ZNF467: variants seen among roughly 807,000 people sequenced by gnomAD.
The protein encoded by ZNF467 is zinc finger protein 467, also known as zinc finger protein EZI.
A neutral mutation model predicts 47.8 loss-of-function variants in ZNF467; 51 were observed. The ratio of observed to expected loss-of-function variants is 1.07; its 90% confidence interval spans 0.85 to 1.35. ZNF467 has a LOEUF of 1.35. ZNF467 is among the 40% of genes most tolerant of loss of function. ZNF467 has a pLI of 0.00. For missense variants in ZNF467, 992 were observed against 858.1 expected (o/e 1.16, Z -1.95); for synonymous variants, 416 against 372.9 (o/e 1.12, Z -1.33).
At chr7:149,770,390 G>A (rs1799360015) in intron 3 of ZNF467, 50 bp downstream of exon 3, 9 of 1,383,510 alleles carry the variant, frequency 6.5e-6, no homozygotes, top group Non-Finnish European at 9.1e-6. Context: ...AGGGCAGGAG[G>A]AAAGCAGGGG....
chr7:149,775,034 A>G (rs766169201), upstream of ZNF467, among the ~76,000 whole-genome samples: 30 of 152,290 alleles, frequency 2.0e-4, no homozygotes, highest in Non-Finnish European at 3.2e-4. Context: ...TGCTGGGACC[A>G]GGGTGGACCC....
chr7:149,771,901 G>A lies in ZNF467; in HGVS notation c.-42-827C>T, dbSNP rs1263573524. Among the ~76,000 whole-genome samples the A allele has an allele frequency of 2.8e-5, 3 of 108,182 alleles. No individual in the cohort carries two copies. In the Admixed American group the frequency reaches 3.5e-4, roughly 13 times the overall value. 71.0% of individuals were successfully genotyped at this position (108,182 alleles called of 152,430 possible). On this transcript the variant is annotated intron_variant, in intron 1 of 4. Coordinates refer to ENST00000302017, the MANE Select transcript of ZNF467 (RefSeq NM_207336.3). The stretch of plus-strand genomic sequence containing the variant: ...GGGCCAACCCCTCGAGGCCCCGTCC[G>A]GGTCGGCCCTCCGCTGCCACCGCCT...
In ZNF467 at chr7:149,764,767, C is replaced by T. The variant is rs1799099794; in HGVS notation, c.1735G>A (p.Ala579Thr). 2 of 1,526,754 alleles carry T rather than the reference C, an allele frequency of 1.3e-6. No individual in the cohort carries two copies. Among genetic ancestry groups the T allele is most frequent in the South Asian group, 1.3e-5 (1 of 77,708 alleles). 94.6% of individuals were successfully genotyped at this position (1,526,754 alleles called of 1,614,324 possible). Residue 579 changes from alanine (A) to threonine (T), a missense_variant, in exon 5 of 5, where the codon GCC (alanine) becomes ACC (threonine). By Grantham distance (58) the Ala-to-Thr change is moderately conservative. Coordinates refer to ENST00000302017, the MANE Select transcript of ZNF467 (RefSeq NM_207336.3). ...TCGGGGGGAGCGGACCAGGCTGGGGCCGCAAGGGCGGCGTCCGGGGCCGCG... is the reference window on the plus strand; with the variant it reads ...TCGGGGGGAGCGGACCAGGCTGGGGTCGCAAGGGCGGCGTCCGGGGCCGCG... ...AHAAPDAALA[A>T]PAWSAPPEVA...
At chr7:149,768,918 T>A (rs1277975353) in intron 4 of ZNF467, among the ~76,000 whole-genome samples, 172 bp downstream of exon 4, 1 of 152,250 alleles carries the variant, frequency 6.6e-6, no homozygotes, top group East Asian at 1.9e-4. Context: ...CCTTTCGGCA[T>A]TGAAGCTCCA....
chr7:149,770,682 G>T (rs1264445400), intron 2 of ZNF467, 126 bp from the exon 3 acceptor site: 4 of 791,152 alleles, frequency 5.1e-6, no homozygotes, highest in Admixed American at 2.5e-5. Context: ...GAAGGACAGG[G>T]TCTCTCACCA....
chr7:149,776,422 G>T (rs1563084754), upstream of ZNF467: 3 of 1,357,594 alleles, frequency 2.2e-6, no homozygotes, highest in East Asian at 4.6e-5. Context: ...GGTACCCTGT[G>T]CCAGCCTCGA....
chr7:149,770,739 A>G (rs1342143259), intron 2 of ZNF467, among the ~76,000 whole-genome samples, 183 bp from the exon 3 acceptor site: 2 of 152,194 alleles, frequency 1.3e-5, no homozygotes, highest in African/African-American at 4.8e-5. Context: ...AGTTGAGTCA[A>G]AAAGGACAGA....
At chr7:149,767,184 C>T (rs1446902542) in intron 4 of ZNF467, among the ~76,000 whole-genome samples, 1 of 152,206 alleles carries the variant, frequency 6.6e-6, no homozygotes, top group African/African-American at 2.4e-5. Flanking sequence ...TTTCTTAGTC[C>T]GCTAAGAAAA....
chr7:149,764,955 G>A lies in ZNF467; in HGVS notation c.1547C>T (p.Ala516Val). ...QAVHTGSRPH[A>V]CAVCARSFSS... ...GAAGCTGCGGGCGCAGACGGCGCAG[G>A]CGTGGGGGCGGCTGCCAGTGTGCAC... The change falls in exon 5 of 5, where the codon GCC becomes GTC. Residue 516 changes from alanine to valine, a missense_variant. Ala to Val is a moderately conservative substitution (Grantham distance 64, BLOSUM62 0). Transcript: ENST00000302017. 6.3e-7 allele frequency: 1 copy of A among 1,588,658 alleles called. No homozygotes were observed. Among genetic ancestry groups the A allele is most frequent in the Non-Finnish European group, 8.5e-7 (1 of 1,173,686 alleles).
At position 149,769,972 on chromosome 7, in the gene ZNF467, C is replaced by G. The variant is rs536570632; in HGVS notation, c.151+468G>C. Reference sequence around the variant, plus strand: ...GAATACAGGCATAAGCCACCATGCCCGGCTTCCCCAAGCTCCTTCAAATCC... The same window carrying G: ...GAATACAGGCATAAGCCACCATGCCGGGCTTCCCCAAGCTCCTTCAAATCC... On this transcript the variant is annotated intron_variant, in intron 3 of 4. Transcript: ENST00000302017. The surrounding 1 kb of genome is among the most constrained non-coding windows in gnomAD (Gnocchi z 5.3). Among the ~76,000 whole-genome samples, 589 of 152,246 alleles carry G rather than the reference C, an allele frequency of 3.9e-3. 3 individuals are homozygous for G. Among genetic ancestry groups the G allele is most frequent in the African/African-American group, 0.012 (484 of 41,534 alleles).
At position 149,769,395 on chromosome 7, in the gene ZNF467, C is replaced by T. The variant is rs925297189; in HGVS notation, c.152-195G>A. On this transcript the variant is annotated intron_variant, in intron 3 of 4. Transcript: ENST00000302017. This position sits in a 1 kb window ranked among gnomAD's most constrained non-coding sequence, Gnocchi z 5.3. ...CTGCCTCAGACTCCTTCAAGCAGGG[C>T]GGCTGCTAAGGGTATGTAATGAGAT... Among the ~76,000 whole-genome samples the T allele has an allele frequency of 5.9e-5, 9 of 152,062 alleles. No individual in the cohort carries two copies. The highest frequency in any genetic ancestry group is 2.0e-4 in the Admixed American group (3 of 15,270).
upstream of ZNF467, chr7:149,776,360 G>T (rs762731431): frequency 8.1e-6 from 11 of 1,363,036 alleles, no homozygotes; most frequent in Non-Finnish European, 1.1e-5. Context: ...TGGTGTGAGT[G>T]GACAGAGACC....
intron 4 of ZNF467, 102 bp from the exon 5 acceptor site, chr7:149,766,341 T>A (rs956261132): frequency 1.4e-6 from 2 of 1,480,350 alleles, no homozygotes; most frequent in Non-Finnish European, 1.8e-6. Context: ...CTGGCTCTGC[T>A]CTCCACTCTA....
chr7:149,770,600 A>G (rs1326142410), intron 2 of ZNF467, 44 bp from the exon 3 acceptor site: 1 of 1,525,756 alleles, frequency 6.6e-7, no homozygotes, highest in Non-Finnish European at 9.0e-7. Flanking sequence ...CATCCAGTAC[A>G]GAACAAGTAA....
rs140046432 is a variant in ZNF467, at chr7:149,766,177, C to A, written c.325G>T (p.Val109Phe). 94 of 1,561,818 alleles carry A rather than the reference C, an allele frequency of 6.0e-5. No homozygotes were observed. The African/African-American group carries it at 1.2e-3, about 20-fold the overall frequency. Residue 109 changes from valine to phenylalanine, a missense_variant, in exon 5 of 5, where the codon GTC becomes TTC. By Grantham distance (50) the Val-to-Phe change is conservative. Transcript: ENST00000302017. ...AACGATAGATGCTGGGGCCATTCGA[C>A]CTCCTCTTCTGCCTCCTGATCTTCG... ...EDEDQEAEEE[V>F]EWPQHLSLLP... is the part of the protein sequence containing the mutation.
chr7:149,770,449 C>A lies in ZNF467; in HGVS notation c.142G>T (p.Val48Leu). ...GGTTCCTGTTACCTACCTGAGCACA[C>A]CCCCAGTGCTCTCTCTTCCCTAGAA... ...SSSREERALG[V>L]CSGHEAPTPE... Residue 48 changes from valine (V) to leucine (L), a missense_variant, in exon 3 of 5, where the codon GTG (valine) becomes TTG (leucine). Transcript: ENST00000302017. The A allele has an allele frequency of 6.2e-7, 1 of 1,610,590 alleles. No homozygotes were observed.
Position 149,765,228 on chromosome 7 carries a change from G to A in ZNF467, c.1274C>T (p.Pro425Leu), listed in dbSNP as rs77749341. 3,267 of 1,449,576 alleles carry A rather than the reference G, an allele frequency of 2.3e-3. 70 individuals carry two copies. The African/African-American group carries it at 0.042, about 19-fold the overall frequency. 89.8% of individuals were successfully genotyped at this position (1,449,576 alleles called of 1,614,324 possible). ...GSDPVVPQRA[P>L]SGERSFFCPD... The stretch of plus-strand genomic sequence containing the variant: ...GCAGAAGAAGGACCGCTCGCCCGAG[G>A]GGGCGCGCTGGGGCACCACGGGATC... The change falls in exon 5 of 5, where the codon CCC becomes CTC. Residue 425 changes from proline (P) to leucine (L), a missense_variant. Coordinates refer to ENST00000302017, the MANE Select transcript of ZNF467 (RefSeq NM_207336.3).
chr7:149,770,129 C>G (rs1381312367), intron 3 of ZNF467, among the ~76,000 whole-genome samples: 1 of 151,530 alleles, frequency 6.6e-6, no homozygotes, highest in Admixed American at 6.6e-5. Flanking sequence ...ATCCTCTCCC[C>G]CAGAGCTCTT....
chr7:149,772,455 G>A (rs1799451944), intron 1 of ZNF467, among the ~76,000 whole-genome samples: 1 of 100,850 alleles, frequency 9.9e-6, no homozygotes, highest in African/African-American at 4.2e-5. Context: ...GGGCTGACCC[G>A]CTCTCTCGGG....
Sources: gnomAD v4.1 joint callset for allele counts (sites outside exome capture counted in the v4.1 genomes callset) on GRCh38, gnomAD v4.1.1 for gene constraint, Gnocchi (gnomAD v3.1) non-coding constraint, MANE v1.5 for transcripts, NCBI Gene and HGNC (gene_info 2026-07-23, HGNC 2026-07-21) for gene names.